Variants in TENM2 observed in about 807,000 individuals in gnomAD.
The protein encoded by TENM2 is teneurin transmembrane protein 2.
In TENM2, 52 loss-of-function variants were observed where a neutral mutation model predicts 245.2. That is an observed-to-expected ratio of 0.21 (90% confidence interval 0.17 to 0.27). The LOEUF (loss-of-function observed/expected upper bound fraction) is 0.27, where lower values mean the gene tolerates loss of function less well. TENM2 is among the 10% of genes least tolerant of loss of function. TENM2 has a pLI of 1.00. For synonymous variants in TENM2, 1,363 were observed against 1,438.9 expected, an observed-to-expected ratio of 0.95 and a Z score of 1.19; for missense variants, 3,046 against 3,666.8, an observed-to-expected ratio of 0.83 and a Z score of 4.37.
intron 2 of TENM2, among the ~76,000 whole-genome samples, chr5:167,627,732 A>G (rs1778603386): frequency 6.6e-6 from 1 of 151,778 alleles, no homozygotes; most frequent in Non-Finnish European, 1.5e-5. Context: ...TAATTTTTGT[A>G]TTTTAATAGA....
At chr5:168,014,075 A>T (rs1785473926) in intron 5 of TENM2, among the ~76,000 whole-genome samples, 1 of 152,190 alleles carries the variant, frequency 6.6e-6, no homozygotes, top group Admixed American at 6.5e-5. Flanking sequence ...CAAAGACCTG[A>T]TTTCCAAATA....
At chr5:167,812,029 G>C (rs1766681452) in intron 2 of TENM2, among the ~76,000 whole-genome samples, 1 of 152,034 alleles carries the variant, frequency 6.6e-6, no homozygotes, top group African/African-American at 2.4e-5. Context: ...CCTGCAAAAG[G>C]GATTTAAATG....
intron 3 of TENM2, among the ~76,000 whole-genome samples, chr5:167,908,868 G>A (rs1776325096): frequency 6.6e-6 from 1 of 151,826 alleles, no homozygotes. Context: ...CTTTAGGTCT[G>A]CACACCATGG....
intron 13 of TENM2, chr5:168,185,100 A>C (rs557879711): frequency 1.3e-5 from 2 of 152,342 alleles, no homozygotes; most frequent in Non-Finnish European, 2.9e-5. Context: ...ACAGGCCTTC[A>C]GAAGTGATTA....
At chr5:168,143,158 G>C (rs183167945) in intron 12 of TENM2, among the ~76,000 whole-genome samples, 374 of 152,156 alleles carry the variant, frequency 2.5e-3, no homozygotes, top group Admixed American at 6.0e-3. Flanking sequence ...ATTCAGGCTT[G>C]AACAAGGGAT....
chr5:167,663,180 G>GAGAA (rs1755346639), intron 2 of TENM2, among the ~76,000 whole-genome samples: 1 of 139,104 alleles, frequency 7.2e-6, no homozygotes, highest in Admixed American at 7.2e-5. Context: ...GAGAGAGAGA[G>GAGAA]AGAGAGAAAG....
At chr5:167,907,049 A>G (rs890939282) in intron 3 of TENM2, among the ~76,000 whole-genome samples, 4 of 152,016 alleles carry the variant, frequency 2.6e-5, no homozygotes, top group African/African-American at 4.8e-5. Context: ...CCTGACCAAC[A>G]TGAAGAAACC....
intron 2 of TENM2, among the ~76,000 whole-genome samples, chr5:167,494,572 A>C (rs1328544535): frequency 6.6e-6 from 1 of 152,116 alleles, no homozygotes; most frequent in Non-Finnish European, 1.5e-5. Context: ...CAATGCAAGA[A>C]GATTAGTAGG....
chr5:167,429,910 TG>T (rs1468359460), intron 2 of TENM2, among the ~76,000 whole-genome samples: 1 of 152,132 alleles, frequency 6.6e-6, no homozygotes, highest in Non-Finnish European at 1.5e-5. Flanking sequence ...AAATACATCA[TG>T]TAAGCTGAGA....
intron 2 of TENM2, among the ~76,000 whole-genome samples, chr5:167,826,598 T>A (rs1168614204): frequency 6.6e-6 from 1 of 152,256 alleles, no homozygotes; most frequent in East Asian, 1.9e-4. Context: ...AATACTTTAC[T>A]ATGTATTTCC....
At chr5:167,697,744 C>T (rs995881757) in intron 2 of TENM2, among the ~76,000 whole-genome samples, 3 of 152,064 alleles carry the variant, frequency 2.0e-5, no homozygotes, top group Non-Finnish European at 2.9e-5. Context: ...AGGCTGGTCT[C>T]GAACTCCTGA....
At chr5:168,014,749 G>T (rs1331028170) in intron 5 of TENM2, among the ~76,000 whole-genome samples, 3 of 152,134 alleles carry the variant, frequency 2.0e-5, no homozygotes, top group African/African-American at 4.8e-5. Flanking sequence ...CAAACTGAAG[G>T]CAAATGACTT....
At chr5:167,166,652 C>T in the TENM2 span, among the ~76,000 whole-genome samples, 149 of 151,720 alleles carry the variant, frequency 9.8e-4, no homozygotes, top group African/African-American at 3.5e-3. Context: ...ACCCTTTTAG[C>T]CAAAATCTAG....
intron 2 of TENM2, among the ~76,000 whole-genome samples, chr5:167,685,673 T>C (rs1314273834): frequency 6.6e-6 from 1 of 152,170 alleles, no homozygotes; most frequent in Non-Finnish European, 1.5e-5. Context: ...CTGAACATCA[T>C]CAAAAGAATC....
At chr5:167,711,334 G>T (rs1561696125) in intron 2 of TENM2, among the ~76,000 whole-genome samples, 1 of 152,186 alleles carries the variant, frequency 6.6e-6, no homozygotes, top group Admixed American at 6.5e-5. Flanking sequence ...GGGTGTCTGG[G>T]ATAGTAAGTG....
At chr5:168,237,256 G>A (rs999850514) in intron 25 of TENM2, among the ~76,000 whole-genome samples, 1 of 150,022 alleles carries the variant, frequency 6.7e-6, no homozygotes, top group Admixed American at 6.7e-5. Context: ...AACCTCAAGC[G>A]ATCCACCCGC....
chr5:168,216,467 T>C (rs1763205811), intron 21 of TENM2, among the ~76,000 whole-genome samples: 1 of 152,216 alleles, frequency 6.6e-6, no homozygotes, highest in Non-Finnish European at 1.5e-5. Context: ...CAAAGTTATT[T>C]CCTGCTTCAT....
intron 2 of TENM2, among the ~76,000 whole-genome samples, chr5:167,508,682 A>C (rs1769720865): frequency 1.3e-5 from 2 of 152,194 alleles, no homozygotes; most frequent in Non-Finnish European, 2.9e-5. Context: ...TCACAAATTT[A>C]AAGACAGGAC....
intron 5 of TENM2, among the ~76,000 whole-genome samples, chr5:168,039,801 T>C (rs1218547614): frequency 2.1e-4 from 32 of 151,876 alleles, no homozygotes; most frequent in Admixed American, 2.1e-3. Context: ...CTAGGGGGTG[T>C]GGTTAGAGGT....
Sources: allele counts gnomAD v4.1 joint callset (sites outside exome capture counted in the v4.1 genomes callset), GRCh38; gene constraint gnomAD v4.1.1; transcripts MANE v1.5; gene names NCBI Gene and HGNC (gene_info 2026-07-23, HGNC 2026-07-21).